The following MDN1 variants were observed in gnomAD, a reference collection of about 807,000 sequenced individuals.
The protein encoded by MDN1 is midasin AAA ATPase 1.
Under a neutral mutation model 669.2 loss-of-function variants are expected in MDN1, and 266 were observed. That is an observed-to-expected ratio of 0.40 (90% CI 0.36 to 0.44). The LOEUF (loss-of-function observed/expected upper bound fraction) is 0.44, where lower values mean the gene tolerates loss of function less well. Ranked by LOEUF, MDN1 falls within the 20% of genes least tolerant of loss-of-function variation. The pLI is 1.00. For missense variants in MDN1, 5,940 were observed against 6,754.0 expected (o/e 0.88, Z 4.22); for synonymous variants, 2,385 against 2,457.1 (o/e 0.97, Z 0.87).
At chr6:89,726,712 A>C (rs966211001) in intron 37 of MDN1, among the ~76,000 whole-genome samples, 8 of 152,216 alleles carry the variant, frequency 5.3e-5, no homozygotes, top group Admixed American at 2.0e-4. Flanking sequence ...AGCTGAATGT[A>C]GGTCTTCAGA....
chr6:89,681,171 A>G (rs1811589875), intron 73 of MDN1, among the ~76,000 whole-genome samples: 1 of 148,374 alleles, frequency 6.7e-6, no homozygotes, highest in Admixed American at 6.7e-5. Flanking sequence ...AGGAATTCAG[A>G]TTTCTTTCCT....
intron 2 of MDN1, among the ~76,000 whole-genome samples, chr6:89,798,633 TAAAC>T (rs1054493147): frequency 9.2e-5 from 14 of 152,100 alleles, no homozygotes; most frequent in Non-Finnish European, 1.9e-4. Context: ...AAGCTAAAAA[TAAAC>T]AAAAAATAAA....
At chr6:89,767,675 G>C (rs1817867206) in intron 15 of MDN1, among the ~76,000 whole-genome samples, 1 of 152,116 alleles carries the variant, frequency 6.6e-6, no homozygotes, top group South Asian at 2.1e-4. Context: ...AGAATCGCTT[G>C]AACCAAGGAG....
intron 19 of MDN1, 58 bp from the exon 20 acceptor site, chr6:89,756,448 T>C (rs1046262501): frequency 3.8e-5 from 30 of 780,662 alleles, no homozygotes; most frequent in African/African-American, 1.1e-4. Flanking sequence ...ATGTTGACAA[T>C]AGAAAAACAT....
chr6:89,689,069 G>A (rs529366762), intron 65 of MDN1, among the ~76,000 whole-genome samples: 1 of 152,320 alleles, frequency 6.6e-6, no homozygotes, highest in East Asian at 1.9e-4. Context: ...GCGGGCCTGA[G>A]GCACAAGAAT....
At chr6:89,736,196 G>A (rs1815961049) in intron 33 of MDN1, among the ~76,000 whole-genome samples, 1 of 152,138 alleles carries the variant, frequency 6.6e-6, no homozygotes, top group African/African-American at 2.4e-5. Flanking sequence ...TCCCCTTCAA[G>A]GTCTCTAATG....
chr6:89,776,094 A>G (rs1178102134), intron 12 of MDN1, among the ~76,000 whole-genome samples: 1 of 152,244 alleles, frequency 6.6e-6, no homozygotes, highest in African/African-American at 2.4e-5. Flanking sequence ...TCCTGAGTCT[A>G]ATGCCTACAA....
chr6:89,647,377 G>A (rs1468789692), intron 99 of MDN1, among the ~76,000 whole-genome samples: 1 of 152,210 alleles, frequency 6.6e-6, no homozygotes, highest in African/African-American at 2.4e-5. Flanking sequence ...TCTTAAGTAA[G>A]TCACTGGCTT....
At chr6:89,717,948 T>C (rs568061409) in intron 43 of MDN1, among the ~76,000 whole-genome samples, 40 of 152,300 alleles carry the variant, frequency 2.6e-4, no homozygotes, top group East Asian at 1.9e-3. Flanking sequence ...TCCATGTTAA[T>C]TGGATGGCAT....
At chr6:89,719,282 A>G (rs1359267040) in intron 40 of MDN1, 57 bp from the exon 41 acceptor site, 1 of 1,422,790 alleles carries the variant, frequency 7.0e-7, no homozygotes, top group African/African-American at 1.4e-5. Context: ...ATTCTTAGGC[A>G]AACTTTCTAG....
intron 2 of MDN1, 35 bp downstream of exon 2, chr6:89,803,293 C>A (rs1192599317): frequency 6.3e-7 from 1 of 1,582,634 alleles, no homozygotes; most frequent in Admixed American, 1.7e-5. Context: ...TCTATCACCT[C>A]AAGGAGAAAT....
chr6:89,678,129 G>A (rs1464907683), intron 75 of MDN1, among the ~76,000 whole-genome samples: 3 of 152,036 alleles, frequency 2.0e-5, no homozygotes, highest in East Asian at 1.9e-4. Context: ...AAAATCAGCC[G>A]GGTGTGGTGG....
chr6:89,671,788 A>T (rs1398111395), intron 82 of MDN1, among the ~76,000 whole-genome samples: 1 of 152,262 alleles, frequency 6.6e-6, no homozygotes, highest in South Asian at 2.1e-4. Flanking sequence ...CCTGCAAAGT[A>T]AGTTGCTTCT....
rs1813091501 is a variant in MDN1 at position 89,700,659 on chromosome 6, T to C, written c.8625A>G (p.Glu2875=). 1 of 1,614,090 alleles carries C rather than the reference T, an allele frequency of 6.2e-7. No individual in the cohort carries two copies. Among genetic ancestry groups the C allele is most frequent in the Non-Finnish European group, 8.5e-7 (1 of 1,180,022 alleles). The stretch of plus-strand genomic sequence containing the variant: ...AGAATATTTTACCTAGGCTGACATC[T>C]TCCAAAATATTTGCTCTGAGGATCA... The part of the protein sequence containing the change: ...WGLILRANIL[E]DVSLDELKNF... Residue 2875 remains glutamate, a synonymous_variant, in exon 56 of 102, where the codon GAA becomes GAG. Transcript: ENST00000369393.
At chr6:89,710,820 T>TA (rs1485116468) in intron 49 of MDN1, 26 bp from the exon 50 acceptor site, 4 of 1,399,106 alleles carry the variant, frequency 2.9e-6, no homozygotes, top group Non-Finnish European at 4.0e-6. Context: ...AAACCAGTGT[T>TA]AGACTCTAAA....
chr6:89,714,086 ACC>A (rs1814157694), intron 46 of MDN1, among the ~76,000 whole-genome samples: 1 of 152,056 alleles, frequency 6.6e-6, no homozygotes, highest in Non-Finnish European at 1.5e-5. Flanking sequence ...TCTGCATGGT[ACC>A]TAACACAGAG....
At chr6:89,688,909 T>C (rs987389451) in intron 65 of MDN1, 101 bp from the exon 66 acceptor site, 2 of 951,218 alleles carry the variant, frequency 2.1e-6, no homozygotes, top group Non-Finnish European at 3.2e-6. Flanking sequence ...GTGGCTCATG[T>C]CTGTAATCCC....
chr6:89,815,807 C>T (rs1768785623), intron 1 of MDN1, among the ~76,000 whole-genome samples: 1 of 152,194 alleles, frequency 6.6e-6, no homozygotes, highest in Admixed American at 6.5e-5. Flanking sequence ...GAGTCACTCG[C>T]CCACTGTGTT....
chr6:89,694,400 C>T (rs1157689146), intron 61 of MDN1, among the ~76,000 whole-genome samples: 3 of 152,200 alleles, frequency 2.0e-5, no homozygotes, highest in Non-Finnish European at 4.4e-5. Flanking sequence ...TTTTTAGTCT[C>T]TCTGCTATAG....
Sources: gnomAD v4.1 joint callset for allele counts (sites outside exome capture counted in the v4.1 genomes callset) on GRCh38, gnomAD v4.1.1 for gene constraint, MANE v1.5 for transcripts, NCBI Gene and HGNC (gene_info 2026-07-23, HGNC 2026-07-21) for gene names.